NOD1: variants seen among roughly 807,000 people sequenced by gnomAD.
NOD1 encodes nucleotide binding oligomerization domain containing 1.
Under a neutral mutation model 81.2 loss-of-function variants are expected in NOD1, and 70 were observed. The observed-to-expected ratio is 0.86, with a 90% CI of 0.71 to 1.05. NOD1 has a LOEUF of 1.05. NOD1 is among the 50% of genes least tolerant of loss of function. The pLI, the probability that NOD1 is intolerant of heterozygous loss-of-function variation, is 0.00. For synonymous variants in NOD1, 508 were observed against 526.9 expected, an observed-to-expected ratio of 0.96 and a Z score of 0.49; for missense variants, 1,233 against 1,228.0, an observed-to-expected ratio of 1.00 and a Z score of -0.06.
rs996074481 is a variant in NOD1 at position 30,467,209 on chromosome 7, C to T, written c.-351-7168G>A. Among the ~76,000 whole-genome samples, 2 of 152,170 alleles carry T rather than the reference C, an allele frequency of 1.3e-5. No homozygotes were observed. Among genetic ancestry groups the T allele is most frequent in the African/African-American group, 2.4e-5 (1 of 41,442 alleles). ...CCCTCCAAATACACAAAGCACTCCA[C>T]GTTCTCTATAGGCATACGCCCGTGA... is the stretch of plus-strand genomic sequence containing the variant. On this transcript the variant is annotated intron_variant, in intron 1 of 13. Transcript: ENST00000222823. This position sits in a 1 kb window ranked among gnomAD's most constrained non-coding sequence, Gnocchi z 4.5.
chr7:30,448,341 G>T lies in NOD1; in HGVS notation c.2242C>A (p.Leu748Ile). The T allele has an allele frequency of 6.2e-7, 1 of 1,614,210 alleles. No homozygotes were observed. The highest frequency in any genetic ancestry group is 2.2e-5 in the East Asian group (1 of 44,886). ...TTGTATTTGGTCAGCTCTTCGCTTA[G>T]CACCTTTACCCCACCGTCAGTGATC... ...NQITDGGVKV[L>I]SEELTKYKIV... Residue 748 changes from leucine to isoleucine, a missense_variant, in exon 7 of 14, where the codon CTA becomes ATA. Coordinates refer to ENST00000222823, the MANE Select transcript of NOD1 (RefSeq NM_006092.4).
At chr7:30,435,195 G>A (rs1007061630) in intron 11 of NOD1, among the ~76,000 whole-genome samples, 5 of 152,228 alleles carry the variant, frequency 3.3e-5, no homozygotes, top group African/African-American at 1.2e-4. Context: ...CTTAGTAAGT[G>A]CCCTAGAGTG....
chr7:30,432,968 T>A, intron 12 of NOD1, 128 bp downstream of exon 12: 1 of 681,876 alleles, frequency 1.5e-6, no homozygotes. Context: ...AATTAGGTGG[T>A]GATGGTTGCA....
chr7:30,429,481 T>C lies in NOD1; in HGVS notation c.2706-24A>G, dbSNP rs1207687517. 1.9e-6 allele frequency: 3 copies of C among 1,598,338 alleles called. No individual in the cohort carries two copies. In the African/African-American group the frequency reaches 4.0e-5, roughly 21 times the overall value. On this transcript the variant is annotated intron_variant, in intron 12 of 13. Coordinates refer to ENST00000222823, the MANE Select transcript of NOD1 (RefSeq NM_006092.4). ...GCCTGAAAGAAGAACATAACTTGTA[T>C]AAAATCCATAATACTGGATCAAATT... is the stretch of plus-strand genomic sequence containing the variant.
chr7:30,435,914 C>T (rs1258877645), intron 11 of NOD1, 84 bp downstream of exon 11: 13 of 1,138,206 alleles, frequency 1.1e-5, no homozygotes, highest in African/African-American at 3.0e-5. Flanking sequence ...GCTGAGATCA[C>T]ACCAATGCAC....
chr7:30,452,711 A>G lies in NOD1; in HGVS notation c.706T>C (p.Cys236Arg), dbSNP rs1423693846. 4 of 1,613,958 alleles carry G rather than the reference A, an allele frequency of 2.5e-6. No homozygotes were observed. In the African/African-American group the frequency reaches 4.0e-5, roughly 16 times the overall value. Residue 236 changes from cysteine (C) to arginine (R), a missense_variant, in exon 6 of 14, where the codon TGC (cysteine) becomes CGC (arginine). Coordinates refer to ENST00000222823, the MANE Select transcript of NOD1 (RefSeq NM_006092.4). ...TCCTTGAAGCAGCTGAACATGCGGCAGCGAAAGTGGAAGAAGAATTTGACC... is the reference window on the plus strand; with the variant it reads ...TCCTTGAAGCAGCTGAACATGCGGCGGCGAAAGTGGAAGAAGAATTTGACC... The part of the protein sequence containing the change: ...AGVKFFFHFR[C>R]RMFSCFKESD...
At chr7:30,453,139 A>G in intron 5 of NOD1, 99 bp from the exon 6 acceptor site, 1 of 1,321,386 alleles carries the variant, frequency 7.6e-7, no homozygotes, top group South Asian at 1.4e-5. Context: ...GAGTGCATAA[A>G]CAAAATTCAC....
chr7:30,460,855 G>C (rs528100836), intron 1 of NOD1, among the ~76,000 whole-genome samples: 1 of 152,322 alleles, frequency 6.6e-6, no homozygotes, highest in South Asian at 2.1e-4. Context: ...GCTCCTCACA[G>C]AAACCAGTGC....
chr7:30,455,012 C>G, intron 5 of NOD1, 125 bp downstream of exon 5: 1 of 958,088 alleles, frequency 1.0e-6, no homozygotes, highest in East Asian at 2.4e-5. Context: ...CTGTTCCTTT[C>G]TAAAATCAAA....
rs181415709 is a variant in NOD1 at position 30,448,060 on chromosome 7, G to A, written c.2285+238C>T. On this transcript the variant is annotated intron_variant, in intron 7 of 13. Coordinates refer to ENST00000222823, the MANE Select transcript of NOD1 (RefSeq NM_006092.4). The stretch of plus-strand genomic sequence containing the variant: ...TCGTTGCATCCCCCAATAACCAGTT[G>A]TAAGCCTACTTGCCTATACTGGGAT... The A allele has an allele frequency of 7.6e-6, 4 of 529,384 alleles. No individual in the cohort carries two copies. In the Admixed American group the frequency reaches 9.8e-5, roughly 13 times the overall value. 32.8% of individuals were successfully genotyped at this position (529,384 alleles called of 1,614,324 possible).
intron 12 of NOD1, among the ~76,000 whole-genome samples, chr7:30,432,749 C>T (rs76636129): frequency 1.3e-5 from 2 of 152,134 alleles, no homozygotes; most frequent in African/African-American, 4.8e-5. Flanking sequence ...TATCATTTAG[C>T]CATAAAAAGG....
In NOD1 at chr7:30,478,438, A is replaced by G. The variant is rs927589509; in HGVS notation, c.-352+168T>C. Among the ~76,000 whole-genome samples, 3 of 152,142 alleles carry G rather than the reference A, an allele frequency of 2.0e-5. No homozygotes were observed. The highest frequency in any genetic ancestry group is 2.9e-5 in the Non-Finnish European group (2 of 68,022). ...GTTCATCCCTCTCAACTTTCGCTACATGCTTCAAACTCGCGGGTTTCTCCG... is the reference window on the plus strand; with the variant it reads ...GTTCATCCCTCTCAACTTTCGCTACGTGCTTCAAACTCGCGGGTTTCTCCG... On this transcript the variant is annotated intron_variant, in intron 1 of 13. Coordinates refer to ENST00000222823, the MANE Select transcript of NOD1 (RefSeq NM_006092.4). This position sits in a 1 kb window ranked among gnomAD's most constrained non-coding sequence, Gnocchi z 4.1.
chr7:30,446,174 G>C lies in NOD1; in HGVS notation c.2420C>G (p.Ala807Gly). 1 of 1,613,992 alleles carries C rather than the reference G, an allele frequency of 6.2e-7. No individual in the cohort carries two copies. Among genetic ancestry groups the C allele is most frequent in the Non-Finnish European group, 8.5e-7 (1 of 1,179,930 alleles). The change falls in exon 9 of 14, where the codon GCT becomes GGT. Residue 807 changes from alanine (A) to glycine (G), a missense_variant. Transcript: ENST00000222823. ...AGAGATTGATTTGCTGTTCTTCACA[G>C]CCAGGGCGAGATACTTCCCTCCTTC... ...TSEGGKYLAL[A>G]VKNSKSISEV...
In NOD1 at chr7:30,425,728, G is replaced by A. The variant is rs573615591; in HGVS notation, c.2790-18C>T. On this transcript the variant is annotated intron_variant, in intron 13 of 13. Coordinates refer to ENST00000222823, the MANE Select transcript of NOD1 (RefSeq NM_006092.4). ...CATTTAGGCTGTTGAAAAGGAGGAA[G>A]ACAAAAGTACACAGGTAAAATGTTA... is the stretch of plus-strand genomic sequence containing the variant. 2.3e-5 allele frequency: 36 copies of A among 1,581,190 alleles called. 1 individual carries two copies. Among genetic ancestry groups the A allele is most frequent in the Middle Eastern group, 3.3e-4 (2 of 5,998 alleles).
intron 1 of NOD1, among the ~76,000 whole-genome samples, chr7:30,461,591 C>CA (rs375109234): frequency 1.3e-5 from 2 of 152,246 alleles, no homozygotes; most frequent in African/African-American, 4.8e-5. Flanking sequence ...ACCACATTTC[C>CA]AGTGCTCAAG....
At chr7:30,461,614 C>G (rs946125570) in intron 1 of NOD1, among the ~76,000 whole-genome samples, 6 of 152,238 alleles carry the variant, frequency 3.9e-5, no homozygotes, top group Non-Finnish European at 5.9e-5. Flanking sequence ...CCACATGCGG[C>G]CAGGGGCTAC....
In NOD1 at chr7:30,452,337, A is replaced by G; in HGVS notation, c.1080T>C (p.Tyr360=). The G allele has an allele frequency of 1.2e-6, 2 of 1,613,404 alleles. No homozygotes were observed. Among genetic ancestry groups the G allele is most frequent in the East Asian group, 4.5e-5 (2 of 44,884 alleles). ...RGFSPSHLRA[Y]ARRMFPERAL... is the part of the protein sequence containing the mutation. The stretch of plus-strand genomic sequence containing the variant: ...CCCGCTCGGGGAACATCCTCCTGGC[A>G]TAGGCGCGCAGGTGGCTGGGGGAGA... Residue 360 remains tyrosine, a synonymous_variant, in exon 6 of 14, where the codon TAT becomes TAC. Coordinates refer to ENST00000222823, the MANE Select transcript of NOD1 (RefSeq NM_006092.4).
intron 1 of NOD1, among the ~76,000 whole-genome samples, chr7:30,466,194 G>GTA (rs1787673038): frequency 6.6e-6 from 1 of 152,216 alleles, no homozygotes; most frequent in Non-Finnish European, 1.5e-5. Flanking sequence ...AGTGGTAGAA[G>GTA]TATTCAGTTC....
rs1787863334 is a variant in NOD1, at chr7:30,467,821, C to G, written c.-351-7780G>C. On this transcript the variant is annotated intron_variant, in intron 1 of 13. Coordinates refer to ENST00000222823, the MANE Select transcript of NOD1 (RefSeq NM_006092.4). This position sits in a 1 kb window ranked among gnomAD's most constrained non-coding sequence, Gnocchi z 4.5. ...GGTTCAAGTGATTCTCCTGCCTCAGCCTCCTGAGTAGCTGGGATTACAGGC... is the reference window on the plus strand; with the variant it reads ...GGTTCAAGTGATTCTCCTGCCTCAGGCTCCTGAGTAGCTGGGATTACAGGC... Among the ~76,000 whole-genome samples the G allele has an allele frequency of 6.6e-6, 1 of 152,160 alleles. No individual in the cohort carries two copies. Among genetic ancestry groups the G allele is most frequent in the African/African-American group, 2.4e-5 (1 of 41,434 alleles).
Sources: gnomAD v4.1 joint callset for allele counts (sites outside exome capture counted in the v4.1 genomes callset) on GRCh38, gnomAD v4.1.1 for gene constraint, Gnocchi (gnomAD v3.1) non-coding constraint, MANE v1.5 for transcripts, NCBI Gene and HGNC (gene_info 2026-07-23, HGNC 2026-07-21) for gene names.